FRAS1: variants seen among roughly 807,000 people sequenced by gnomAD.
The protein encoded by FRAS1 is extracellular matrix organizing protein FRAS1.
Under a neutral mutation model 435.2 loss-of-function variants are expected in FRAS1, and 290 were observed. The ratio of observed to expected loss-of-function variants is 0.67; its 90% CI spans 0.61 to 0.73. FRAS1 has a LOEUF of 0.73. Among genes scored for constraint, FRAS1 ranks in the 30% least tolerant of loss-of-function variants. The probability of loss-of-function intolerance (pLI) is 0.00; values close to 1 mark genes in which losing one functional copy is unlikely to be tolerated. For missense variants in FRAS1, 4,860 were observed against 5,001.5 expected (o/e 0.97, Z 0.85); for synonymous variants, 1,800 against 1,851.0 (o/e 0.97, Z 0.71).
At chr4:78,101,114 A>ATT (rs11286336) in intron 2 of FRAS1, among the ~76,000 whole-genome samples, 2 of 150,370 alleles carry the variant, frequency 1.3e-5, no homozygotes, top group African/African-American at 4.9e-5. Flanking sequence ...GAATAACTCG[A>ATT]TTTTTTTTTT....
chr4:78,413,337 C>G (rs139301227), intron 32 of FRAS1, among the ~76,000 whole-genome samples: 53 of 152,246 alleles, frequency 3.5e-4, no homozygotes, highest in African/African-American at 1.3e-3. Flanking sequence ...CTACAGTATT[C>G]CAGATGTTCC....
intron 2 of FRAS1, among the ~76,000 whole-genome samples, chr4:78,232,026 CA>C (rs1326076614): frequency 1.1e-4 from 17 of 152,024 alleles, no homozygotes; most frequent in African/African-American, 3.4e-4. Context: ...GTCGGAATTG[CA>C]ATAGCAACAT....
Position 78,337,663 on chromosome 4 carries a change from C to G in FRAS1, c.2279-11C>G. 2 of 1,608,674 alleles carry G rather than the reference C, an allele frequency of 1.2e-6. No homozygotes were observed. Among genetic ancestry groups the G allele is most frequent in the Non-Finnish European group, 1.7e-6 (2 of 1,175,666 alleles). On this transcript the variant is annotated splice_polypyrimidine_tract_variant and intron_variant, in intron 19 of 73. Coordinates refer to ENST00000512123, the MANE Select transcript of FRAS1 (RefSeq NM_025074.7). ...TGCTAATTCCAATCCTGGTTTTCGTCCCCCTGCCAGAGTGTCACCCAACCT... is the reference window on the plus strand; with the variant it reads ...TGCTAATTCCAATCCTGGTTTTCGTGCCCCTGCCAGAGTGTCACCCAACCT...
intron 5 of FRAS1, 52 bp from the exon 6 acceptor site, chr4:78,255,190 G>T: frequency 1.3e-6 from 2 of 1,545,588 alleles, no homozygotes; most frequent in South Asian, 2.4e-5. Flanking sequence ...AGTCAGCCCT[G>T]GGATCAACAA....
chr4:78,244,733 A>G (rs974374885), intron 3 of FRAS1, among the ~76,000 whole-genome samples: 4 of 152,146 alleles, frequency 2.6e-5, no homozygotes, highest in African/African-American at 9.7e-5. Context: ...TATATATGAT[A>G]CCTCTGCAGA....
intron 20 of FRAS1, among the ~76,000 whole-genome samples, chr4:78,344,368 T>A (rs577752030): frequency 6.6e-6 from 1 of 152,216 alleles, no homozygotes; most frequent in East Asian, 1.9e-4. Context: ...TATCCCCATT[T>A]TTACATGTAA....
chr4:78,226,816 T>C (rs1724296417), intron 2 of FRAS1, among the ~76,000 whole-genome samples: 1 of 152,176 alleles, frequency 6.6e-6, no homozygotes. Flanking sequence ...CAATCACCCA[T>C]TTGTTGAACT....
At chr4:78,321,155 C>T (rs543224967) in intron 18 of FRAS1, among the ~76,000 whole-genome samples, 2 of 152,156 alleles carry the variant, frequency 1.3e-5, no homozygotes, top group South Asian at 4.2e-4. Context: ...TATTTGATAC[C>T]CACCATGAGC....
intron 14 of FRAS1, among the ~76,000 whole-genome samples, chr4:78,287,603 A>G (rs997100931): frequency 1.3e-5 from 2 of 152,138 alleles, no homozygotes; most frequent in Non-Finnish European, 2.9e-5. Context: ...GGCAGCTGAT[A>G]TGCTCCTTTC....
intron 31 of FRAS1, among the ~76,000 whole-genome samples, chr4:78,409,461 G>A (rs1181620226): frequency 2.0e-5 from 3 of 152,078 alleles, no homozygotes; most frequent in Non-Finnish European, 4.4e-5. Flanking sequence ...TTTAACTCAA[G>A]AAGCCAGAGA....
Position 78,140,695 on chromosome 4 carries a change from G to GTGTATA in FRAS1, c.108+74682_108+74687dup, listed in dbSNP as rs1553923705. On this transcript the variant is annotated intron_variant, in intron 2 of 73. Coordinates refer to ENST00000512123, the MANE Select transcript of FRAS1 (RefSeq NM_025074.7). ...TGTATATGTATATGCATATACATAT[G>GTGTATA]TGTATATGCATATACGTGTGTGTAT... is the stretch of plus-strand genomic sequence containing the variant. Among the ~76,000 whole-genome samples, 135 of 74,588 alleles carry GTGTATA rather than the reference G, an allele frequency of 1.8e-3. 1 individual carries two copies. The highest frequency in any genetic ancestry group is 0.016 in the Middle Eastern group (3 of 186). 48.9% of individuals were successfully genotyped at this position (74,588 alleles called of 152,430 possible).
intron 18 of FRAS1, among the ~76,000 whole-genome samples, chr4:78,332,835 A>G (rs1165725870): frequency 6.6e-6 from 1 of 152,178 alleles, no homozygotes; most frequent in Non-Finnish European, 1.5e-5. Context: ...TAGCGTAGGC[A>G]CTTTATAAAC....
intron 61 of FRAS1, among the ~76,000 whole-genome samples, chr4:78,504,234 G>T (rs1259003861): frequency 6.6e-6 from 1 of 152,174 alleles, no homozygotes; most frequent in Non-Finnish European, 1.5e-5. Context: ...TATTAGGTCT[G>T]CTTGCTGCAG....
At chr4:78,288,007 A>C (rs1398343585) in intron 14 of FRAS1, among the ~76,000 whole-genome samples, 1 of 152,184 alleles carries the variant, frequency 6.6e-6, no homozygotes, top group Non-Finnish European at 1.5e-5. Flanking sequence ...CAAAGTTCTG[A>C]GCATTGTTGA....
intron 29 of FRAS1, among the ~76,000 whole-genome samples, chr4:78,399,063 G>A (rs377059173): frequency 1.3e-5 from 2 of 152,206 alleles, no homozygotes; most frequent in East Asian, 3.9e-4. Flanking sequence ...CAGAATTCTG[G>A]TGATTATATA....
intron 61 of FRAS1, among the ~76,000 whole-genome samples, chr4:78,504,953 C>G (rs1006060934): frequency 2.6e-5 from 4 of 152,116 alleles, no homozygotes; most frequent in African/African-American, 4.8e-5. Context: ...TTGCTTGTCT[C>G]TAAAGGATTT....
intron 22 of FRAS1, among the ~76,000 whole-genome samples, chr4:78,368,778 G>A (rs1433088313): frequency 6.6e-6 from 1 of 152,186 alleles, no homozygotes; most frequent in Non-Finnish European, 1.5e-5. Context: ...TGAAGAATGA[G>A]TTAAGAGTTA....
chr4:78,409,325 T>C (rs1733240879), intron 31 of FRAS1, among the ~76,000 whole-genome samples: 1 of 151,944 alleles, frequency 6.6e-6, no homozygotes, highest in Non-Finnish European at 1.5e-5. Context: ...ACTTAAGAAA[T>C]ATTGATGAGG....
At chr4:78,136,428 TAGG>T (rs554609619) in intron 2 of FRAS1, among the ~76,000 whole-genome samples, 25 of 152,296 alleles carry the variant, frequency 1.6e-4, no homozygotes, top group African/African-American at 4.8e-4. Flanking sequence ...TTGTGGCCAC[TAGG>T]AGAATTCTCA....
Sources: allele counts gnomAD v4.1 joint callset (sites outside exome capture counted in the v4.1 genomes callset), GRCh38; gene constraint gnomAD v4.1.1; transcripts MANE v1.5; gene names NCBI Gene and HGNC (gene_info 2026-07-23, HGNC 2026-07-21).